Variants in ZNF208 observed in about 807,000 individuals in gnomAD.
ZNF208 encodes the protein zinc finger protein 95.
ZNF208 carries 10 observed loss-of-function variants against 12.1 expected under a neutral mutation model. The observed-to-expected ratio is 0.83, with a 90% CI of 0.51 to 1.40. The LOEUF (loss-of-function observed/expected upper bound fraction) is 1.40. ZNF208 is among the 40% of genes most tolerant of loss of function. The probability of loss-of-function intolerance (pLI) is 0.00; values close to 1 mark genes in which losing one functional copy is unlikely to be tolerated. For synonymous variants in ZNF208, 497 were observed against 488.4 expected (o/e 1.02, Z -0.23); for missense variants, 1,652 against 1,485.0 (o/e 1.11, Z -1.85).
intron 4 of ZNF208, among the ~76,000 whole-genome samples, chr19:21,946,944 T>A (rs1254616557): frequency 9.5e-6 from 1 of 105,394 alleles, no homozygotes; most frequent in Non-Finnish European, 2.1e-5. Flanking sequence ...ACTTCCAGTC[T>A]TTTTTTTTTC....
chr19:21,942,379 G>A (rs1355305434), intron 4 of ZNF208, among the ~76,000 whole-genome samples: 1 of 152,084 alleles, frequency 6.6e-6, no homozygotes, highest in Non-Finnish European at 1.5e-5. Context: ...AATCAGATTA[G>A]CTCTGGGGAT....
intron 1 of ZNF208, among the ~76,000 whole-genome samples, chr19:22,008,686 T>C (rs1422919598): frequency 1.3e-5 from 2 of 152,178 alleles, no homozygotes; most frequent in Non-Finnish European, 2.9e-5. Context: ...CAGCATCTGA[T>C]TGTCTGAACA....
chr19:21,970,128 T>C lies in ZNF208; in HGVS notation c.*1063A>G, dbSNP rs1487064229. ...GATTTCTCATCTGTACGATTTCTTT[T>C]ATATTCAGAAAAGTCTGAGGTGTTG... On this transcript the variant is annotated 3_prime_UTR_variant, in exon 4 of 4. Transcript: ENST00000397126. Among the ~76,000 whole-genome samples, 1 of 152,230 alleles carries C rather than the reference T, an allele frequency of 6.6e-6. No homozygotes were observed. The highest frequency in any genetic ancestry group is 1.5e-5 in the Non-Finnish European group (1 of 68,034).
chr19:22,004,382 G>A (rs189893889), intron 1 of ZNF208, among the ~76,000 whole-genome samples: 114 of 152,016 alleles, frequency 7.5e-4, no homozygotes, highest in Non-Finnish European at 5.9e-4. Flanking sequence ...TGAGTATGGT[G>A]GCACACGCCT....
Position 21,972,455 on chromosome 19 carries a change from G to C in ZNF208, c.2579C>G (p.Pro860Arg). ...TTTGCCACATTCTTCACATTTGTAGGGTTTCTCTCCAGTATGAATTACCTT... is the reference window on the plus strand; with the variant it reads ...TTTGCCACATTCTTCACATTTGTAGCGTTTCTCTCCAGTATGAATTACCTT... ...KHKVIHTGEK[P>R]YKCEECGKAY... The change falls in exon 4 of 4, where the codon CCC becomes CGC. Residue 860 changes from proline to arginine, a missense_variant. Coordinates refer to ENST00000397126, the MANE Select transcript of ZNF208 (RefSeq NM_007153.3). The C allele has an allele frequency of 6.2e-7, 1 of 1,612,966 alleles. No individual in the cohort carries two copies. The highest frequency in any genetic ancestry group is 8.5e-7 in the Non-Finnish European group (1 of 1,179,850).
At chr19:22,002,334 AG>A (rs1417011770) in intron 1 of ZNF208, among the ~76,000 whole-genome samples, 7 of 152,192 alleles carry the variant, frequency 4.6e-5, no homozygotes, top group African/African-American at 7.2e-5. Context: ...TAAAATTGGT[AG>A]TCTTAGCCAG....
chr19:21,964,237 A>G (rs946042213), downstream of ZNF208, among the ~76,000 whole-genome samples: 6 of 151,900 alleles, frequency 3.9e-5, no homozygotes, highest in African/African-American at 1.4e-4. Context: ...ACATACACAT[A>G]TATACATTTT....
chr19:21,965,846 C>G (rs999773168), downstream of ZNF208: 14 of 151,424 alleles, frequency 9.2e-5, no homozygotes, highest in African/African-American at 3.2e-4. Flanking sequence ...CAAAAGAGTA[C>G]AGTAACAAAT....
At chr19:22,000,793 G>T (rs1380022250) in intron 1 of ZNF208, among the ~76,000 whole-genome samples, 3 of 151,812 alleles carry the variant, frequency 2.0e-5, no homozygotes, top group Admixed American at 1.3e-4. Flanking sequence ...TTTAAAAAAG[G>T]TAAATAAACT....
chr19:21,957,883 G>A (rs1453911665), intron 4 of ZNF208, among the ~76,000 whole-genome samples: 1 of 151,486 alleles, frequency 6.6e-6, no homozygotes, highest in Admixed American at 6.6e-5. Flanking sequence ...TGTGCACAAT[G>A]TGCAGGTTAG....
At chr19:21,959,883 T>TA (rs1258628901) in intron 4 of ZNF208, among the ~76,000 whole-genome samples, 1 of 152,170 alleles carries the variant, frequency 6.6e-6, no homozygotes, top group Non-Finnish European at 1.5e-5. Context: ...TGTTTAGTTT[T>TA]AGATTCTGTA....
chr19:21,977,219 T>C (rs1271290744), intron 3 of ZNF208, among the ~76,000 whole-genome samples: 1 of 152,032 alleles, frequency 6.6e-6, no homozygotes, highest in East Asian at 1.9e-4. Flanking sequence ...AGGAGAGCAA[T>C]ACAATTATAG....
In ZNF208 at chr19:21,987,204, AC is replaced by A; in HGVS notation, c.226+11del. The A allele has an allele frequency of 6.2e-7, 1 of 1,607,422 alleles. No individual in the cohort carries two copies. On this transcript the variant is annotated intron_variant, in intron 3 of 3. Coordinates refer to ENST00000397126, the MANE Select transcript of ZNF208 (RefSeq NM_007153.3). ...CCTCTCATCCATGTTGTCTGTATTC[AC>A]TCTCACCTACCTGGGGATTCTTCCA... is the stretch of plus-strand genomic sequence containing the variant.
At chr19:21,976,093 G>T (rs913516738) in intron 3 of ZNF208, among the ~76,000 whole-genome samples, 2 of 152,036 alleles carry the variant, frequency 1.3e-5, no homozygotes, top group African/African-American at 4.8e-5. Context: ...TGAATTTCTA[G>T]CATTATTCTA....
chr19:21,965,555 T>C (rs978146225), downstream of ZNF208, among the ~76,000 whole-genome samples: 7 of 152,082 alleles, frequency 4.6e-5, no homozygotes, highest in Non-Finnish European at 7.4e-5. Flanking sequence ...CACACTGCAA[T>C]AGCGTAAGAA....
chr19:21,975,408 A>T (rs1276621285), intron 3 of ZNF208, among the ~76,000 whole-genome samples: 6 of 152,180 alleles, frequency 3.9e-5, no homozygotes, highest in Non-Finnish European at 8.8e-5. Flanking sequence ...TTTCAGAAGA[A>T]AGATAAATAA....
Position 21,974,171 on chromosome 19 carries a change from T to C in ZNF208, c.863A>G (p.Glu288Gly), listed in dbSNP as rs754938290. 1.5e-5 allele frequency: 24 copies of C among 1,604,220 alleles called. 1 individual carries two copies. Among genetic ancestry groups the C allele is most frequent in the Non-Finnish European group, 2.0e-5 (24 of 1,172,122 alleles). The change falls in exon 4 of 4, where the codon GAA becomes GGA. Residue 288 changes from glutamate (E) to glycine (G), a missense_variant. Around this residue, in one of 3 missense-constraint regions of ZNF208, gnomAD observed 410 missense variants for 378.2 expected, o/e 1.08. Transcript: ENST00000397126. ...CTTACTAAAGGCTTTGCCACATTCT[T>C]CACATTTGTTGGGTTTCTCTCCAGT... ...IHTGEKPNKC[E>G]ECGKAFSKVS...
At position 21,968,701 on chromosome 19, in the gene ZNF208, A is replaced by C. The variant is rs1327116106; in HGVS notation, c.*2490T>G. On this transcript the variant is annotated 3_prime_UTR_variant, in exon 4 of 4. Transcript: ENST00000397126. Reference sequence around the variant, plus strand: ...TAGTTTCATATATTTCACTGATTTAATATAACAAGTTAGGGTGAAATCCCA... The same window carrying C: ...TAGTTTCATATATTTCACTGATTTACTATAACAAGTTAGGGTGAAATCCCA... Among the ~76,000 whole-genome samples the C allele has an allele frequency of 5.9e-5, 9 of 152,084 alleles. No homozygotes were observed. Among genetic ancestry groups the C allele is most frequent in the Non-Finnish European group, 2.9e-5 (2 of 68,004 alleles).
At position 21,973,406 on chromosome 19, in the gene ZNF208, T is replaced by C. The variant is rs1387212839; in HGVS notation, c.1628A>G (p.His543Arg). ...TTTCTCTCCAGTATGAATTACCTTA[T>C]GTTTAGTAAGGATTGAGAATGTACT... is the stretch of plus-strand genomic sequence containing the variant. ...SFSTFSILTK[H>R]KVIHTGEKPY... The change falls in exon 4 of 4, where the codon CAT becomes CGT. Residue 543 changes from histidine to arginine, a missense_variant. Physicochemically the swap from His to Arg is conservative, Grantham distance 29. Transcript: ENST00000397126. 3.1e-6 allele frequency: 5 copies of C among 1,612,392 alleles called. No homozygotes were observed. The African/African-American group carries it at 4.0e-5, about 13-fold the overall frequency.
Sources: gnomAD v4.1 joint callset for allele counts (sites outside exome capture counted in the v4.1 genomes callset) on GRCh38, gnomAD v4.1.1 for gene constraint, gnomAD v4.1.1 regional missense constraint, MANE v1.5 for transcripts, NCBI Gene and HGNC (gene_info 2026-07-23, HGNC 2026-07-21) for gene names.